RORA: variants seen among roughly 807,000 people sequenced by gnomAD.
RORA encodes RAR related orphan receptor A.
In RORA, 7 loss-of-function variants were observed where a neutral mutation model predicts 69.5. The ratio of observed to expected loss-of-function variants is 0.10; its 90% CI spans 0.06 to 0.19. The LOEUF (loss-of-function observed/expected upper bound fraction) is 0.19, where lower values mean the gene tolerates loss of function less well. RORA is among the 10% of genes least tolerant of loss of function. The pLI, the probability that RORA is intolerant of heterozygous loss-of-function variation, is 1.00. For missense variants in RORA, 457 were observed against 663.0 expected, an observed-to-expected ratio of 0.69 and a Z score of 3.41; for synonymous variants, 261 against 240.8, an observed-to-expected ratio of 1.08 and a Z score of -0.78.
chr15:60,836,833 C>T (rs532674778), intron 1 of RORA, among the ~76,000 whole-genome samples: 2 of 152,272 alleles, frequency 1.3e-5, no homozygotes, highest in East Asian at 1.9e-4. Context: ...TCAGCTCCCC[C>T]CTCTGCCCTC....
intron 2 of RORA, among the ~76,000 whole-genome samples, chr15:60,659,958 A>G (rs2070280955): frequency 6.6e-6 from 1 of 152,214 alleles, no homozygotes; most frequent in Non-Finnish European, 1.5e-5. Context: ...CTCAACTAAT[A>G]AGGATTTTTT....
chr15:60,592,497 G>A (rs1254603720), intron 2 of RORA: 2 of 1,326,254 alleles, frequency 1.5e-6, no homozygotes, highest in Non-Finnish European at 1.9e-6. Context: ...CGCCGCCGCC[G>A]CCCGAGCCAC....
intron 1 of RORA, among the ~76,000 whole-genome samples, chr15:60,803,267 G>C (rs2072612559): frequency 6.6e-6 from 1 of 152,182 alleles, no homozygotes; most frequent in Admixed American, 6.5e-5. Flanking sequence ...CACATCCTGA[G>C]CTTCGGCCCC....
At chr15:60,913,495 C>G (rs989040228) in intron 1 of RORA, among the ~76,000 whole-genome samples, 3 of 152,242 alleles carry the variant, frequency 2.0e-5, no homozygotes, top group African/African-American at 7.2e-5. Flanking sequence ...GTCAGTACAA[C>G]TTCCCCCGTG....
intron 1 of RORA, among the ~76,000 whole-genome samples, chr15:60,771,765 G>T (rs1275982770): frequency 6.6e-6 from 1 of 152,136 alleles, no homozygotes; most frequent in Non-Finnish European, 1.5e-5. Flanking sequence ...GTCTTATGTG[G>T]GCAAGCCACT....
At chr15:60,748,933 T>G (rs1318939638) in intron 1 of RORA, among the ~76,000 whole-genome samples, 1 of 152,212 alleles carries the variant, frequency 6.6e-6, no homozygotes. Flanking sequence ...AGTTTCCCGG[T>G]TACCTTAATC....
At chr15:60,973,584 G>T (rs1893788262) in intron 1 of RORA, among the ~76,000 whole-genome samples, 1 of 152,216 alleles carries the variant, frequency 6.6e-6, no homozygotes. Context: ...TGTTCACTCT[G>T]AAACTTGTAA....
intron 1 of RORA, among the ~76,000 whole-genome samples, chr15:61,136,235 T>C (rs1235456460): frequency 1.4e-5 from 2 of 143,534 alleles, no homozygotes; most frequent in African/African-American, 5.1e-5. Flanking sequence ...CACAAGACCA[T>C]GTGAGAATTT....
At chr15:60,881,344 A>T (rs2140447425) in intron 1 of RORA, among the ~76,000 whole-genome samples, 1 of 152,278 alleles carries the variant, frequency 6.6e-6, no homozygotes, top group South Asian at 2.1e-4. Flanking sequence ...CCAGACAGGC[A>T]CCTCTGACCA....
intron 1 of RORA, among the ~76,000 whole-genome samples, chr15:60,881,144 T>C (rs1310030247): frequency 6.6e-6 from 1 of 152,250 alleles, no homozygotes; most frequent in Non-Finnish European, 1.5e-5. Context: ...TTTGGACCCT[T>C]GCTGCACCTT....
At chr15:60,854,934 T>A (rs1680480) in intron 1 of RORA, among the ~76,000 whole-genome samples, 1 of 152,108 alleles carries the variant, frequency 6.6e-6, no homozygotes, top group African/African-American at 2.4e-5. Context: ...AACATAGCAA[T>A]GTGGGTTTTC....
At chr15:60,886,103 A>G (rs575426243) in intron 1 of RORA, among the ~76,000 whole-genome samples, 2 of 152,324 alleles carry the variant, frequency 1.3e-5, no homozygotes, top group Admixed American at 6.5e-5. Flanking sequence ...AAAGAACCAT[A>G]TCTGGTATCC....
chr15:60,781,150 G>A (rs1459515094), intron 1 of RORA, among the ~76,000 whole-genome samples: 1 of 152,146 alleles, frequency 6.6e-6, no homozygotes, highest in Non-Finnish European at 1.5e-5. Flanking sequence ...TAGAAGGTAT[G>A]CTGAGGCTGG....
At chr15:61,124,438 A>G (rs1245258636) in intron 1 of RORA, among the ~76,000 whole-genome samples, 1 of 152,092 alleles carries the variant, frequency 6.6e-6, no homozygotes, top group Non-Finnish European at 1.5e-5. Context: ...CCCCTCTGAG[A>G]GCAGAGTGTG....
chr15:61,216,383 T>C (rs972987193), intron 1 of RORA, among the ~76,000 whole-genome samples: 1 of 152,242 alleles, frequency 6.6e-6, no homozygotes, highest in Non-Finnish European at 1.5e-5. Flanking sequence ...GCAAAGTGCA[T>C]GTAAATTATT....
chr15:60,840,200 T>C (rs967598112), intron 1 of RORA, among the ~76,000 whole-genome samples: 25 of 152,326 alleles, frequency 1.6e-4, no homozygotes, highest in African/African-American at 5.8e-4. Context: ...CTAGGTTTCC[T>C]TTGACAGCCT....
intron 1 of RORA, among the ~76,000 whole-genome samples, chr15:60,805,936 A>T (rs2072654144): frequency 6.6e-6 from 1 of 152,104 alleles, no homozygotes; most frequent in Non-Finnish European, 1.5e-5. Flanking sequence ...TTTAAATCTC[A>T]GGTGTTCAGG....
chr15:60,903,906 G>A (rs1891459815), intron 1 of RORA, among the ~76,000 whole-genome samples: 1 of 152,158 alleles, frequency 6.6e-6, no homozygotes, highest in African/African-American at 2.4e-5. Flanking sequence ...ATAAGTTTGT[G>A]GGGGTACATT....
chr15:60,701,425 G>A (rs573740826), intron 1 of RORA, among the ~76,000 whole-genome samples: 1 of 152,304 alleles, frequency 6.6e-6, no homozygotes, highest in South Asian at 2.1e-4. Context: ...AAGTGAGTCA[G>A]TATCTCACAG....
Sources: allele counts gnomAD v4.1 joint callset (sites outside exome capture counted in the v4.1 genomes callset), GRCh38; gene constraint gnomAD v4.1.1; transcripts MANE v1.5; gene names NCBI Gene and HGNC (gene_info 2026-07-23, HGNC 2026-07-21).